Variants in PPP1R9A observed in about 807,000 individuals in gnomAD.
The protein encoded by PPP1R9A is protein phosphatase 1 regulatory subunit 9A.
In PPP1R9A, 59 loss-of-function variants were observed where a neutral mutation model predicts 141.9. That is an observed-to-expected ratio of 0.42 (90% CI 0.34 to 0.52). The LOEUF is 0.52. Among genes scored for constraint, PPP1R9A ranks in the 20% least tolerant of loss-of-function variants. PPP1R9A has a pLI of 0.10. For synonymous variants in PPP1R9A, 500 were observed against 569.7 expected (o/e 0.88, Z 1.74); for missense variants, 1,444 against 1,611.9 (o/e 0.90, Z 1.78).
At chr7:94,990,675 C>A (rs1801396748) in intron 2 of PPP1R9A, among the ~76,000 whole-genome samples, 1 of 151,828 alleles carries the variant, frequency 6.6e-6, no homozygotes, top group African/African-American at 2.4e-5. Flanking sequence ...ATTTTGTATT[C>A]TTTAACAAAT....
intron 2 of PPP1R9A, among the ~76,000 whole-genome samples, chr7:94,996,463 G>A (rs1427108640): frequency 2.6e-5 from 4 of 152,094 alleles, no homozygotes; most frequent in Non-Finnish European, 5.9e-5. Context: ...CTACAGATGA[G>A]TTAAGATTTT....
intron 3 of PPP1R9A, among the ~76,000 whole-genome samples, chr7:95,120,361 A>G (rs778248206): frequency 1.2e-4 from 19 of 152,264 alleles, no homozygotes; most frequent in African/African-American, 4.3e-4. Context: ...TTAAAATTAT[A>G]TGTTTGAATA....
At chr7:95,029,978 C>T (rs565466893) in intron 2 of PPP1R9A, among the ~76,000 whole-genome samples, 1 of 152,258 alleles carries the variant, frequency 6.6e-6, no homozygotes, top group East Asian at 1.9e-4. Context: ...AGGGCTCTCG[C>T]CTTTGCAGTA....
intron 2 of PPP1R9A, among the ~76,000 whole-genome samples, chr7:95,039,424 G>T (rs1808899040): frequency 6.6e-6 from 1 of 151,980 alleles, no homozygotes; most frequent in Non-Finnish European, 1.5e-5. Context: ...TGGGCTTGGT[G>T]GTGTGTGCCT....
intron 18 of PPP1R9A, among the ~76,000 whole-genome samples, chr7:95,287,375 C>T (rs988628715): frequency 6.6e-6 from 1 of 152,182 alleles, no homozygotes; most frequent in African/African-American, 2.4e-5. Context: ...CTTCCATCAC[C>T]ATTACATTGA....
intron 2 of PPP1R9A, among the ~76,000 whole-genome samples, chr7:95,068,113 A>G (rs545228815): frequency 2.6e-5 from 4 of 152,308 alleles, no homozygotes; most frequent in South Asian, 4.1e-4. Flanking sequence ...GCAAACTCCT[A>G]AAATATTGCA....
intron 7 of PPP1R9A, among the ~76,000 whole-genome samples, chr7:95,213,083 A>T (rs1285258182): frequency 6.6e-6 from 1 of 151,570 alleles, no homozygotes; most frequent in East Asian, 2.0e-4. Context: ...ATGAGGGTGG[A>T]CGTTGTTTGG....
chr7:95,019,338 G>A (rs894822562), intron 2 of PPP1R9A, among the ~76,000 whole-genome samples: 11 of 152,104 alleles, frequency 7.2e-5, no homozygotes, highest in African/African-American at 2.4e-4. Context: ...AGCCCAGATC[G>A]CAACACTGCA....
At chr7:95,106,457 G>C (rs149716075) in intron 2 of PPP1R9A, among the ~76,000 whole-genome samples, 2 of 152,088 alleles carry the variant, frequency 1.3e-5, no homozygotes, top group Non-Finnish European at 2.9e-5. Flanking sequence ...TCAGCTTAAC[G>C]ATGTATGTAT....
At chr7:95,061,516 G>C (rs1484144302) in intron 2 of PPP1R9A, among the ~76,000 whole-genome samples, 1 of 152,148 alleles carries the variant, frequency 6.6e-6, no homozygotes, top group African/African-American at 2.4e-5. Context: ...CAGGCAAATT[G>C]CTTGAGCCCA....
chr7:95,066,159 A>G (rs757603761), intron 2 of PPP1R9A, among the ~76,000 whole-genome samples: 18 of 152,188 alleles, frequency 1.2e-4, no homozygotes, highest in Non-Finnish European at 2.2e-4. Context: ...GTGTCCTTAT[A>G]AGAATAGGAA....
intron 8 of PPP1R9A, among the ~76,000 whole-genome samples, chr7:95,240,129 C>T (rs1213026250): frequency 6.6e-6 from 1 of 151,982 alleles, no homozygotes; most frequent in Non-Finnish European, 1.5e-5. Flanking sequence ...CCATGAGCTT[C>T]CCATACTGAG....
At chr7:95,143,746 C>G (rs183892956) in intron 4 of PPP1R9A, among the ~76,000 whole-genome samples, 8 of 152,256 alleles carry the variant, frequency 5.3e-5, no homozygotes, top group Non-Finnish European at 1.5e-5. Context: ...GCATTATTAT[C>G]TAGCAAGTAT....
Position 94,907,682 on chromosome 7 carries a change from G to A in PPP1R9A, c.-237G>A, listed in dbSNP as rs905072882. Reference sequence around the variant, plus strand: ...CGGGCTCCCTCTCTCTGCGGCCCTAGAGTTAATCCCATCAGCCGAGGTGAG... The same window carrying A: ...CGGGCTCCCTCTCTCTGCGGCCCTAAAGTTAATCCCATCAGCCGAGGTGAG... On this transcript the variant is annotated 5_prime_UTR_variant, in exon 1 of 20. Coordinates refer to ENST00000433360, the MANE Select transcript of PPP1R9A (RefSeq NM_001166160.2). 2.0e-5 allele frequency: 3 copies of A among 152,090 alleles called. No homozygotes were observed. Among genetic ancestry groups the A allele is most frequent in the African/African-American group, 4.8e-5 (2 of 41,396 alleles). 9.4% of individuals were successfully genotyped at this position (152,090 alleles called of 1,614,324 possible).
intron 5 of PPP1R9A, among the ~76,000 whole-genome samples, chr7:95,169,251 T>G (rs754236294): frequency 2.6e-5 from 4 of 151,952 alleles, no homozygotes; most frequent in African/African-American, 7.2e-5. Context: ...GGATGGGAAC[T>G]GGAGGTCATT....
chr7:95,247,560 T>C (rs1222495737), intron 9 of PPP1R9A, 34 bp downstream of exon 9: 1 of 1,541,688 alleles, frequency 6.5e-7, no homozygotes, highest in Non-Finnish European at 8.9e-7. Flanking sequence ...GAATTTTACT[T>C]TTTAAACTTC....
intron 5 of PPP1R9A, among the ~76,000 whole-genome samples, chr7:95,179,598 A>T (rs972143859): frequency 3.3e-5 from 5 of 152,092 alleles, no homozygotes; most frequent in Admixed American, 2.0e-4. Context: ...TTTGCTGATG[A>T]TATGATCATT....
In PPP1R9A at chr7:95,289,001, CT is replaced by C. The variant is rs538664762; in HGVS notation, c.3912+284del. On this transcript the variant is annotated intron_variant, in intron 19 of 19. Transcript: ENST00000433360. The stretch of plus-strand genomic sequence containing the variant: ...GTCCATATATTAACTCTCCTTACAT[CT>C]GATGTAGTATGAGTTTTAATAATGG... Among the ~76,000 whole-genome samples the C allele has an allele frequency of 1.6e-4, 25 of 152,270 alleles. No homozygotes were observed. The South Asian group carries it at 4.4e-3, about 27-fold the overall frequency.
intron 5 of PPP1R9A, among the ~76,000 whole-genome samples, chr7:95,193,103 AG>A (rs1350608800): frequency 1.3e-5 from 2 of 152,122 alleles, no homozygotes; most frequent in African/African-American, 4.8e-5. Flanking sequence ...AAAATGAGGC[AG>A]GGGACTGTTG....
Sources: allele counts gnomAD v4.1 joint callset (sites outside exome capture counted in the v4.1 genomes callset), GRCh38; gene constraint gnomAD v4.1.1; transcripts MANE v1.5; gene names NCBI Gene and HGNC (gene_info 2026-07-23, HGNC 2026-07-21).